LPL: variants seen among roughly 807,000 people sequenced by gnomAD.
LPL encodes lipoprotein lipase, also known as phospholipase A1.
LPL carries 43 observed loss-of-function variants against 52.2 expected under a neutral mutation model. The observed-to-expected ratio is 0.82, with a 90% CI of 0.64 to 1.06. The LOEUF is 1.06. Among genes scored for constraint, LPL ranks in the 50% least tolerant of loss-of-function variants. The pLI is 0.00. For synonymous variants in LPL, 244 were observed against 215.6 expected (o/e 1.13, Z -1.15); for missense variants, 639 against 585.3 (o/e 1.09, Z -0.95).
chr8:19,954,333 T>C lies in LPL; in HGVS notation c.755T>C (p.Ile252Thr), dbSNP rs118204080. 61 of 1,614,076 alleles carry C rather than the reference T, an allele frequency of 3.8e-5. No individual in the cohort carries two copies. The highest frequency in any genetic ancestry group is 4.9e-5 in the Non-Finnish European group (58 of 1,179,914). The change falls in exon 5 of 10, where the codon ATT becomes ACT. Residue 252 changes from isoleucine to threonine, a missense_variant. Ile to Thr is a moderately conservative substitution (Grantham distance 89). Transcript: ENST00000650287. ...AACATTGGAGAAGCTATCCGCGTGA[T>C]TGCAGAGAGAGGACTTGGAGGTAAA... is the stretch of plus-strand genomic sequence containing the variant. ...GCNIGEAIRV[I>T]AERGLGDVDQ...
intron 1 of LPL, among the ~76,000 whole-genome samples, chr8:19,940,505 G>A (rs1054668819): frequency 6.6e-6 from 1 of 152,240 alleles, no homozygotes; most frequent in South Asian, 2.1e-4. Flanking sequence ...GGGGCCAAAT[G>A]AGAATGTCTC....
At chr8:19,943,001 A>C (rs1347541163) in intron 1 of LPL, among the ~76,000 whole-genome samples, 1 of 152,202 alleles carries the variant, frequency 6.6e-6, no homozygotes, top group Non-Finnish European at 1.5e-5. Context: ...TGACTGTTTG[A>C]ATGAATAAAC....
rs2128836233 is a variant in LPL at position 19,944,802 on chromosome 8, A to T, written c.89-3378A>T. On this transcript the variant is annotated intron_variant, in intron 1 of 9. Coordinates refer to ENST00000650287, the MANE Select transcript of LPL (RefSeq NM_000237.3). The surrounding 1 kb of genome is among the most constrained non-coding windows in gnomAD (Gnocchi z 4.2). The stretch of plus-strand genomic sequence containing the variant: ...TAGTTATTTATTTAGGAATTTAGGA[A>T]TAAAGATTCCATAGTCAGGAAAGGC... 6.6e-6 allele frequency among the ~76,000 whole-genome samples: 1 copy of T among 152,320 alleles called. No individual in the cohort carries two copies. The highest frequency in any genetic ancestry group is 2.4e-5 in the African/African-American group (1 of 41,570).
intron 1 of LPL, among the ~76,000 whole-genome samples, chr8:19,941,942 G>A (rs1451803951): frequency 6.6e-6 from 1 of 152,208 alleles, no homozygotes; most frequent in Non-Finnish European, 1.5e-5. Flanking sequence ...AGGAGAGGGA[G>A]AGTATGGTCA....
At chr8:19,946,341 CGT>C (rs943593489) in intron 1 of LPL, among the ~76,000 whole-genome samples, 2 of 151,736 alleles carry the variant, frequency 1.3e-5, no homozygotes, top group East Asian at 1.9e-4. Context: ...TGTGTGTGCA[CGT>C]GTGTGTGTAT....
Position 19,965,331 on chromosome 8 carries a change from C to A in LPL, c.*21C>A. On this transcript the variant is annotated 3_prime_UTR_variant, in exon 10 of 10. Coordinates refer to ENST00000650287, the MANE Select transcript of LPL (RefSeq NM_000237.3). ...TCAGAAACTGGGCGAATCTACAGAACAAAGAACGGCATGTGAATTCTGTGA... is the reference window on the plus strand; with the variant it reads ...TCAGAAACTGGGCGAATCTACAGAAAAAAGAACGGCATGTGAATTCTGTGA... The A allele has an allele frequency of 1.3e-6, 1 of 780,418 alleles. No homozygotes were observed. The highest frequency in any genetic ancestry group is 2.4e-6 in the Non-Finnish European group (1 of 417,842). 48.3% of individuals were successfully genotyped at this position (780,418 alleles called of 1,614,324 possible).
intron 6 of LPL, 61 bp downstream of exon 6, chr8:19,956,144 C>T: frequency 6.2e-7 from 1 of 1,602,220 alleles, no homozygotes; most frequent in Non-Finnish European, 8.5e-7. Context: ...ATGCTCACTG[C>T]ATCACATGTA....
intron 2 of LPL, among the ~76,000 whole-genome samples, chr8:19,949,702 C>T (rs1248102495): frequency 2.6e-5 from 4 of 152,142 alleles, no homozygotes; most frequent in African/African-American, 4.8e-5. Context: ...AGGCTGGTCT[C>T]GAACTCCTGA....
chr8:19,942,126 G>C (rs1382042420), intron 1 of LPL, among the ~76,000 whole-genome samples: 1 of 152,212 alleles, frequency 6.6e-6, no homozygotes, highest in African/African-American at 2.4e-5. Flanking sequence ...TACGGGGGAA[G>C]AGCGGCGATG....
At chr8:19,942,608 T>G (rs2069850355) in intron 1 of LPL, among the ~76,000 whole-genome samples, 1 of 152,238 alleles carries the variant, frequency 6.6e-6, no homozygotes, top group Non-Finnish European at 1.5e-5. Flanking sequence ...AGTAAAATTC[T>G]TGTCACAGTG....
At chr8:19,964,516 GTTTTAT>G (rs754676589) in intron 9 of LPL, among the ~76,000 whole-genome samples, 1 of 152,034 alleles carries the variant, frequency 6.6e-6, no homozygotes, top group African/African-American at 2.4e-5. Context: ...GTTCAGATGC[GTTTTAT>G]TTTTATTTTT....
At chr8:19,946,468 C>T in intron 1 of LPL, 1 of 189,168 alleles carries the variant, frequency 5.3e-6, no homozygotes. Flanking sequence ...TTAGATAAGG[C>T]TGATTCAAAT....
chr8:19,940,468 C>G (rs1034299554), intron 1 of LPL, among the ~76,000 whole-genome samples: 6 of 152,314 alleles, frequency 3.9e-5, no homozygotes, highest in South Asian at 2.1e-4. Context: ...GCCAGGGAAC[C>G]GCCCGCTCGC....
rs748349562 is a variant in LPL at position 19,954,131 on chromosome 8, G to A, written c.553G>A (p.Ala185Thr). ...TTTTCCCTTTTAAGGCCTCGATCCA[G>A]CTGGACCTAACTTTGAGTATGCAGA... ...KVNRITGLDP[A>T]GPNFEYAEAP... Residue 185 changes from alanine (A) to threonine (T), a missense_variant, in exon 5 of 10, where the codon GCT becomes ACT. Ala to Thr is a moderately conservative substitution (Grantham distance 58). Coordinates refer to ENST00000650287, the MANE Select transcript of LPL (RefSeq NM_000237.3). The A allele has an allele frequency of 2.5e-6, 4 of 1,614,036 alleles. No homozygotes were observed. In the South Asian group the frequency reaches 3.3e-5, roughly 13 times the overall value.
rs1590143219 is a variant in LPL, at chr8:19,954,184, T to C, written c.606T>C (p.Asp202=). The C allele has an allele frequency of 2.5e-6, 4 of 1,614,220 alleles. No homozygotes were observed. Among genetic ancestry groups the C allele is most frequent in the Non-Finnish European group, 3.4e-6 (4 of 1,180,034 alleles). ...AEAPSRLSPD[D]ADFVDVLHTF... is the part of the protein sequence containing the mutation. ...CCCCGAGTCGTCTTTCTCCTGATGA[T>C]GCAGATTTTGTAGACGTCTTACACA... The change falls in exon 5 of 10, where the codon GAT becomes GAC. Residue 202 remains aspartate, a synonymous_variant. Coordinates refer to ENST00000650287, the MANE Select transcript of LPL (RefSeq NM_000237.3).
At position 19,965,622 on chromosome 8, in the gene LPL, G is replaced by T; in HGVS notation, c.*312G>T. 1 of 331,514 alleles carries T rather than the reference G, an allele frequency of 3.0e-6. No individual in the cohort carries two copies. Among genetic ancestry groups the T allele is most frequent in the Non-Finnish European group, 5.5e-6 (1 of 180,896 alleles). The allele number at this position is 331,514 out of a possible 1,614,324, so 20.5% of individuals were successfully genotyped here. On this transcript the variant is annotated 3_prime_UTR_variant, in exon 10 of 10. Transcript: ENST00000650287. ...TTGTTTGAGCGCAGAGTAAAATAAG[G>T]CTCCTTCATGTGGCGTATTGGGCCA...
chr8:19,965,518 T>G lies in LPL; in HGVS notation c.*208T>G. ...GGCTAATTCAATTTATGGGGTATAGTGGCCAAATAGCACATCCTCCAACGT... is the reference window on the plus strand; with the variant it reads ...GGCTAATTCAATTTATGGGGTATAGGGGCCAAATAGCACATCCTCCAACGT... On this transcript the variant is annotated 3_prime_UTR_variant, in exon 10 of 10. Coordinates refer to ENST00000650287, the MANE Select transcript of LPL (RefSeq NM_000237.3). 1 of 562,274 alleles carries G rather than the reference T, an allele frequency of 1.8e-6. No individual in the cohort carries two copies. Among genetic ancestry groups the G allele is most frequent in the Non-Finnish European group, 3.2e-6 (1 of 315,596 alleles). The allele number at this position is 562,274 out of a possible 1,614,324, so 34.8% of individuals were successfully genotyped here.
intron 3 of LPL, 73 bp from the exon 4 acceptor site, chr8:19,953,237 A>T: frequency 1.1e-6 from 1 of 873,568 alleles, no homozygotes; most frequent in Non-Finnish European, 1.9e-6. Flanking sequence ...AACAATATTT[A>T]TATTCATTTT....
chr8:19,944,716 T>A lies in LPL; in HGVS notation c.89-3464T>A, dbSNP rs550254002. Among the ~76,000 whole-genome samples, 1 of 152,356 alleles carries A rather than the reference T, an allele frequency of 6.6e-6. No individual in the cohort carries two copies. Among genetic ancestry groups the A allele is most frequent in the East Asian group, 1.9e-4 (1 of 5,188 alleles). On this transcript the variant is annotated intron_variant, in intron 1 of 9. Coordinates refer to ENST00000650287, the MANE Select transcript of LPL (RefSeq NM_000237.3). The surrounding 1 kb of genome is among the most constrained non-coding windows in gnomAD (Gnocchi z 4.2). Reference sequence around the variant, plus strand: ...TTTAACTTCTCAGCCTAATTTCGTCTCTGTGAGTTATTATCTATGTTAGAA... The same window carrying A: ...TTTAACTTCTCAGCCTAATTTCGTCACTGTGAGTTATTATCTATGTTAGAA...
Sources: gnomAD v4.1 joint callset for allele counts (sites outside exome capture counted in the v4.1 genomes callset) on GRCh38, gnomAD v4.1.1 for gene constraint, Gnocchi (gnomAD v3.1) non-coding constraint, MANE v1.5 for transcripts, NCBI Gene and HGNC (gene_info 2026-07-23, HGNC 2026-07-21) for gene names.